VWA3A: variants seen among roughly 807,000 people sequenced by gnomAD.
VWA3A encodes the protein von Willebrand factor A domain containing 3A.
A neutral mutation model predicts 160.4 loss-of-function variants in VWA3A; 134 were observed. The observed-to-expected ratio is 0.84, with a 90% CI of 0.73 to 0.96. VWA3A has a LOEUF of 0.96. VWA3A is among the 40% of genes least tolerant of loss of function. VWA3A has a pLI of 0.00. For synonymous variants in VWA3A, 476 were observed against 543.4 expected (o/e 0.88, Z 1.72); for missense variants, 1,310 against 1,447.9 (o/e 0.90, Z 1.55).
chr16:22,123,375 T>C (rs1463931066), intron 15 of VWA3A: 1 of 1,360,602 alleles, frequency 7.3e-7, no homozygotes, highest in Non-Finnish European at 1.0e-6. Context: ...AGGCTTCTAA[T>C]CCTCTGGGGA....
chr16:22,097,743 A>C, intron 3 of VWA3A, 48 bp downstream of exon 3: 1 of 1,548,236 alleles, frequency 6.5e-7, no homozygotes, highest in Non-Finnish European at 8.7e-7. Flanking sequence ...CAAATCATTC[A>C]GAGAATGCAC....
chr16:22,155,548 CT>C lies in VWA3A; in HGVS notation c.3406-18del. On this transcript the variant is annotated intron_variant, in intron 31 of 33. Transcript: ENST00000389398. ...CTCCCATCCAGTCATAAACTTCACA[CT>C]CATTTCCTCTTTTCAAGGATCCCAC... 6.2e-7 allele frequency: 1 copy of C among 1,610,386 alleles called. No individual in the cohort carries two copies. The highest frequency in any genetic ancestry group is 1.1e-5 in the South Asian group (1 of 91,012).
chr16:22,115,774 C>G (rs1306766017), intron 9 of VWA3A, among the ~76,000 whole-genome samples: 2 of 148,230 alleles, frequency 1.3e-5, no homozygotes, highest in African/African-American at 5.0e-5. Context: ...GAGTTTAAGG[C>G]TGCAGTAAGC....
At position 22,103,470 on chromosome 16, in the gene VWA3A, G is replaced by A; in HGVS notation, c.429-5G>A. ...GGGTGATGAGTCTTTCTGATGTCTT[G>A]ACAGCACTATTGAAGTCTATCAAGA... On this transcript the variant is annotated splice_region_variant and splice_polypyrimidine_tract_variant and intron_variant, in intron 5 of 33. Coordinates refer to ENST00000389398, the MANE Select transcript of VWA3A (RefSeq NM_173615.5). 6.4e-7 allele frequency: 1 copy of A among 1,551,544 alleles called. No homozygotes were observed. The highest frequency in any genetic ancestry group is 8.7e-7 in the Non-Finnish European group (1 of 1,146,898).
chr16:22,131,217 A>G lies in VWA3A; in HGVS notation c.1665A>G (p.Thr555=). ...TTGCTTCTTAAAGGTTTGGAAGCAC[A>G]ATTGAAAGCTGGAGGCCTGAGATGG... ...DCFNLIAFGS[T]IESWRPEMVP... Residue 555 remains threonine (T), a synonymous_variant, in exon 18 of 34, where the codon ACA becomes ACG. Transcript: ENST00000389398. The G allele has an allele frequency of 6.2e-7, 1 of 1,613,980 alleles. No individual in the cohort carries two copies. The highest frequency in any genetic ancestry group is 8.5e-7 in the Non-Finnish European group (1 of 1,179,894).
chr16:22,123,594 G>A lies in VWA3A; in HGVS notation c.1438-19G>A. 1 of 1,613,858 alleles carries A rather than the reference G, an allele frequency of 6.2e-7. No homozygotes were observed. Among genetic ancestry groups the A allele is most frequent in the Non-Finnish European group, 8.5e-7 (1 of 1,179,830 alleles). On this transcript the variant is annotated intron_variant, in intron 15 of 33. Transcript: ENST00000389398. ...CTCAGCCTTTGAGCAGCCGCTCACT[G>A]TGGCCCACACTTCTGCAGCAACAGC...
chr16:22,099,630 A>G (rs1187870981), intron 3 of VWA3A, among the ~76,000 whole-genome samples: 1 of 152,232 alleles, frequency 6.6e-6, no homozygotes, highest in Non-Finnish European at 1.5e-5. Flanking sequence ...AACACTTGCT[A>G]ATTTCCCTTT....
chr16:22,101,301 C>G (rs1282400337), intron 5 of VWA3A, among the ~76,000 whole-genome samples: 1 of 152,176 alleles, frequency 6.6e-6, no homozygotes, highest in African/African-American at 2.4e-5. Context: ...GATGACACAG[C>G]TTCATCTGGT....
At chr16:22,102,130 C>T (rs148325503) in intron 5 of VWA3A, among the ~76,000 whole-genome samples, 259 of 152,198 alleles carry the variant, frequency 1.7e-3, no homozygotes, top group Middle Eastern at 0.017. Flanking sequence ...GCAGGAGGAT[C>T]GCTTGAGTTC....
chr16:22,129,407 AAAG>A (rs747201448), intron 17 of VWA3A, among the ~76,000 whole-genome samples: 1 of 124,904 alleles, frequency 8.0e-6, no homozygotes, highest in Non-Finnish European at 1.7e-5. Flanking sequence ...AAAAAAAAAG[AAAG>A]AAAGAAAGAA....
chr16:22,149,696 A>AT, intron 28 of VWA3A, 91 bp from the exon 29 acceptor site: 2 of 1,398,022 alleles, frequency 1.4e-6, no homozygotes, highest in Non-Finnish European at 1.9e-6. Context: ...TCATGAGGGT[A>AT]ACTTATCTGA....
intron 31 of VWA3A, among the ~76,000 whole-genome samples, chr16:22,154,323 C>CTTTTTTTTTTTTTTTTTTTT: frequency 1.4e-5 from 1 of 73,902 alleles, no homozygotes; most frequent in Non-Finnish European, 2.3e-5. Flanking sequence ...TTTTCTTTTT[C>CTTTTTTTTTTTTTTTTTTTT]TTTTTTTTTT....
intron 11 of VWA3A, 87 bp from the exon 12 acceptor site, chr16:22,118,813 GCA>G: frequency 6.4e-7 from 1 of 1,552,964 alleles, no homozygotes; most frequent in Non-Finnish European, 8.8e-7. Flanking sequence ...CTCTGCCTGG[GCA>G]TTGGCCTGGC....
In VWA3A at chr16:22,134,447, T is replaced by C; in HGVS notation, c.2139+9T>C. On this transcript the variant is annotated intron_variant, in intron 21 of 33. Transcript: ENST00000389398. ...TCAACTACTCCCAAAAGGTATGCCCTGGGCATGGGCCAATGACTGCACTGC... is the reference window on the plus strand; with the variant it reads ...TCAACTACTCCCAAAAGGTATGCCCCGGGCATGGGCCAATGACTGCACTGC... The C allele has an allele frequency of 1.3e-6, 2 of 1,581,630 alleles. No homozygotes were observed. The highest frequency in any genetic ancestry group is 1.7e-4 in the Middle Eastern group (1 of 6,016).
Position 22,140,261 on chromosome 16 carries a change from G to T in VWA3A, c.2383+17G>T, listed in dbSNP as rs1271055936. The T allele has an allele frequency of 6.2e-7, 1 of 1,611,490 alleles. No homozygotes were observed. The highest frequency in any genetic ancestry group is 8.5e-7 in the Non-Finnish European group (1 of 1,178,372). On this transcript the variant is annotated intron_variant, in intron 23 of 33. Transcript: ENST00000389398. The stretch of plus-strand genomic sequence containing the variant: ...TCTCACCAGGTAAGGCACCATCACG[G>T]TCAGGCAGGGTGGAGGGATGTCACG...
chr16:22,146,255 A>T lies in VWA3A; in HGVS notation c.2750A>T (p.Gln917Leu). Reference protein sequence around the residue: ...VEIHGVVRHIQWTPREMEVYI... With the variant: ...VEIHGVVRHILWTPREMEVYI... ...ACCCAGGGAGTGGTGAGACACATCC[A>T]GTGGACGCCCAGGGAGATGGAGGTG... Residue 917 changes from glutamine to leucine, a missense_variant, in exon 27 of 34, where the codon CAG becomes CTG. Transcript: ENST00000389398. The T allele has an allele frequency of 6.2e-7, 1 of 1,613,658 alleles. No homozygotes were observed. The highest frequency in any genetic ancestry group is 2.2e-5 in the East Asian group (1 of 44,882).
chr16:22,123,568 G>A (rs778685607), intron 15 of VWA3A, 45 bp from the exon 16 acceptor site: 15 of 1,613,488 alleles, frequency 9.3e-6, no homozygotes, highest in African/African-American at 1.3e-5. Flanking sequence ...CCCCTTGGTT[G>A]CTCAGCCTTT....
intron 23 of VWA3A, among the ~76,000 whole-genome samples, chr16:22,140,641 C>T (rs571590950): frequency 5.4e-5 from 8 of 148,108 alleles, no homozygotes; most frequent in East Asian, 2.0e-4. Context: ...GACAGAGTCT[C>T]GCTCTGTCAC....
chr16:22,096,656 G>A (rs2045327957), intron 1 of VWA3A, among the ~76,000 whole-genome samples: 1 of 151,948 alleles, frequency 6.6e-6, no homozygotes, highest in African/African-American at 2.4e-5. Context: ...GAGGTGGGAG[G>A]ATTGCTTGAG....
Sources: gnomAD v4.1 joint callset for allele counts (sites outside exome capture counted in the v4.1 genomes callset) on GRCh38, gnomAD v4.1.1 for gene constraint, MANE v1.5 for transcripts, NCBI Gene and HGNC (gene_info 2026-07-23, HGNC 2026-07-21) for gene names.